The following CACNA1G variants were observed in gnomAD, a reference collection of about 807,000 sequenced individuals.
The protein encoded by CACNA1G is calcium voltage-gated channel subunit alpha1 G, also known as voltage-dependent T-type calcium channel subunit alpha-1G.
CACNA1G carries 67 observed loss-of-function variants against 219.4 expected under a neutral mutation model. The ratio of observed to expected loss-of-function variants is 0.31; its 90% CI spans 0.25 to 0.37. The LOEUF is 0.37. Among genes scored for constraint, CACNA1G ranks in the 10% least tolerant of loss-of-function variants. The pLI is 1.00. For synonymous variants in CACNA1G, 1,296 were observed against 1,345.3 expected, an observed-to-expected ratio of 0.96 and a Z score of 0.80; for missense variants, 2,380 against 3,231.4, an observed-to-expected ratio of 0.74 and a Z score of 6.39.
At position 50,596,516 on chromosome 17, in the gene CACNA1G, C is replaced by A. The variant is rs1197295833; in HGVS notation, c.2980-46C>A. 8.4e-6 allele frequency: 13 copies of A among 1,551,202 alleles called. No individual in the cohort carries two copies. Among genetic ancestry groups the A allele is most frequent in the Non-Finnish European group, 1.1e-5 (12 of 1,123,646 alleles). On this transcript the variant is annotated intron_variant, in intron 14 of 37. Transcript: ENST00000359106. The surrounding 1 kb of genome is among the most constrained non-coding windows in gnomAD (Gnocchi z 4.8). ...GGGAGGCCCGGTCCATCCCAACCAC[C>A]CAAGCCTGGCCGGATCCCTAATGGT... is the stretch of plus-strand genomic sequence containing the variant.
chr17:50,618,454 C>T lies in CACNA1G; in HGVS notation c.5427+111C>T. The T allele has an allele frequency of 7.0e-7, 1 of 1,434,636 alleles. No homozygotes were observed. The highest frequency in any genetic ancestry group is 9.6e-7 in the Non-Finnish European group (1 of 1,038,050). The allele number at this position is 1,434,636 out of a possible 1,614,324, so 88.9% of individuals were successfully genotyped here. On this transcript the variant is annotated intron_variant, in intron 32 of 37. Transcript: ENST00000359106. This position sits in a 1 kb window ranked among gnomAD's most constrained non-coding sequence, Gnocchi z 5.3. ...ATAAAAGCATGTGACCTTCTCTCCCCCGTGCTAGAACACTCTGGAACTCCC... is the reference window on the plus strand; with the variant it reads ...ATAAAAGCATGTGACCTTCTCTCCCTCGTGCTAGAACACTCTGGAACTCCC...
At chr17:50,607,165 A>G (rs780006661) in intron 24 of CACNA1G, 176 bp downstream of exon 24, 27 of 680,074 alleles carry the variant, frequency 4.0e-5, no homozygotes, top group Non-Finnish European at 7.0e-5. Flanking sequence ...TTATTGGTCT[A>G]CAACATGTTT....
Position 50,627,315 on chromosome 17 carries a change from T to G in CACNA1G, c.*564T>G, listed in dbSNP as rs1321267770. The G allele has an allele frequency of 4.7e-6, 2 of 425,100 alleles. No individual in the cohort carries two copies. The highest frequency in any genetic ancestry group is 4.1e-5 in the African/African-American group (2 of 48,986). The allele number at this position is 425,100 out of a possible 1,614,324, so 26.3% of individuals were successfully genotyped here. On this transcript the variant is annotated 3_prime_UTR_variant, in exon 38 of 38. Transcript: ENST00000359106. ...TTTGGAAACTGTAATGTAACTTATT[T>G]TTTCCTTTAACCTCGTCATCATTTT...
At chr17:50,589,770 A>G (rs1373975498) in intron 9 of CACNA1G, among the ~76,000 whole-genome samples, 2 of 152,118 alleles carry the variant, frequency 1.3e-5, no homozygotes, top group Non-Finnish European at 2.9e-5. Context: ...CTGAGGATTA[A>G]CCCGGGTGTC....
chr17:50,575,122 C>T (rs1203081113), intron 7 of CACNA1G, among the ~76,000 whole-genome samples: 1 of 152,178 alleles, frequency 6.6e-6, no homozygotes, highest in Non-Finnish European at 1.5e-5. Context: ...CCCCATGTCC[C>T]TAATATTGCG....
At position 50,599,444 on chromosome 17, in the gene CACNA1G, C is replaced by G. The variant is rs1026078972; in HGVS notation, c.3275C>G (p.Ser1092Cys). 8 of 1,556,860 alleles carry G rather than the reference C, an allele frequency of 5.1e-6. No homozygotes were observed. The African/African-American group carries it at 6.8e-5, about 13-fold the overall frequency. The change falls in exon 17 of 38, where the codon TCT (serine) becomes TGT (cysteine). Residue 1092 changes from serine (S) to cysteine (C), a missense_variant. Ser to Cys is a moderately radical substitution (Grantham distance 112). Transcript: ENST00000359106. Reference protein sequence around the residue: ...EMKSPPSARSSPHSPWSAASS... With the variant: ...EMKSPPSARSCPHSPWSAASS... The stretch of plus-strand genomic sequence containing the variant: ...CACCCACAGCCCAGCGCCCGCAGCT[C>G]TCCGCACAGCCCCTGGAGCGCTGCA...
chr17:50,570,129 G>C (rs527668824), intron 4 of CACNA1G, among the ~76,000 whole-genome samples: 139 of 152,270 alleles, frequency 9.1e-4, no homozygotes, highest in Non-Finnish European at 1.7e-3. Context: ...GACAGGCAAG[G>C]AGTGGACGCA....
At chr17:50,607,757 C>A in intron 24 of CACNA1G, 70 bp from the exon 25 acceptor site, 1 of 1,373,102 alleles carries the variant, frequency 7.3e-7, no homozygotes, top group Non-Finnish European at 1.0e-6. Flanking sequence ...GGAACCCAGG[C>A]TGTGGGCAGC....
Position 50,626,280 on chromosome 17 carries a change from G to A in CACNA1G, c.6663G>A (p.Leu2221=). The change falls in exon 38 of 38, where the codon CTG becomes CTA. Residue 2221 remains leucine (L), a synonymous_variant. Transcript: ENST00000359106. This position sits in a 1 kb window ranked among gnomAD's most constrained non-coding sequence, Gnocchi z 4.3. The part of the protein sequence containing the change: ...TRSSLELDTE[L]SWISGDLLPP... ...GCAGCTTAGAGTTGGACACGGAGCT[G>A]AGCTGGATTTCAGGAGACCTCCTGC... is the stretch of plus-strand genomic sequence containing the variant. 6.2e-7 allele frequency: 1 copy of A among 1,613,618 alleles called. No individual in the cohort carries two copies. Among genetic ancestry groups the A allele is most frequent in the Non-Finnish European group, 8.5e-7 (1 of 1,179,864 alleles).
intron 3 of CACNA1G, 73 bp downstream of exon 3, chr17:50,569,371 T>C: frequency 1.3e-6 from 2 of 1,511,472 alleles, no homozygotes; most frequent in Non-Finnish European, 9.1e-7. Flanking sequence ...GTTCTGGGCC[T>C]GTGACCTCTC....
Position 50,623,795 on chromosome 17 carries a change from G to A in CACNA1G, c.6061-112G>A, listed in dbSNP as rs149277952. On this transcript the variant is annotated intron_variant, in intron 35 of 37. Coordinates refer to ENST00000359106, the MANE Select transcript of CACNA1G (RefSeq NM_018896.5). ...TCTCTACCTTGTCCTGGGAGGGCAC[G>A]GGGGTGAGGGCTGGGCGGGGGGCGC... The A allele has an allele frequency of 5.4e-3, 6,166 of 1,137,620 alleles. 92 individuals carry two copies. Among genetic ancestry groups the A allele is most frequent in the African/African-American group, 0.033 (2,161 of 65,048 alleles). The allele number at this position is 1,137,620 out of a possible 1,614,324, so 70.5% of individuals were successfully genotyped here.
At chr17:50,576,462 C>A in intron 8 of CACNA1G, 136 bp downstream of exon 8, 1 of 807,346 alleles carries the variant, frequency 1.2e-6, no homozygotes, top group Non-Finnish European at 2.0e-6. Flanking sequence ...TAGGCACCTT[C>A]AACCAGTCAC....
At position 50,616,425 on chromosome 17, in the gene CACNA1G, T is replaced by C. The variant is rs755947438; in HGVS notation, c.5021+41T>C. The C allele has an allele frequency of 6.0e-6, 7 of 1,169,370 alleles. No homozygotes were observed. In the Admixed American group the frequency reaches 1.1e-4, roughly 18 times the overall value. The allele number at this position is 1,169,370 out of a possible 1,614,324, so 72.4% of individuals were successfully genotyped here. A position where few individuals can be genotyped will look rare whatever the true frequency, so the allele number is the denominator to read the frequency against. ...GGGGTCTTGGGGACTTGCGTAGAGA[T>C]AGAAAGGAATGAGTCTCTTGGGGAA... On this transcript the variant is annotated intron_variant, in intron 28 of 37. Coordinates refer to ENST00000359106, the MANE Select transcript of CACNA1G (RefSeq NM_018896.5).
At chr17:50,614,478 T>A (rs2049988148) in intron 26 of CACNA1G, among the ~76,000 whole-genome samples, 1 of 152,246 alleles carries the variant, frequency 6.6e-6, no homozygotes, top group South Asian at 2.1e-4. Context: ...CCTCAGCACC[T>A]GGAAGAGGGC....
rs57225302 is a variant in CACNA1G at position 50,599,434 on chromosome 17, G to A, written c.3265G>A (p.Ala1089Thr). Residue 1089 changes from alanine to threonine, a missense_variant, in exon 17 of 38, where the codon GCC (alanine) becomes ACC (threonine). Ala to Thr is a moderately conservative substitution (Grantham distance 58, BLOSUM62 0). This residue lies in a region of CACNA1G where 418 missense variants were observed against 434.3 expected (regional missense o/e 0.96). Coordinates refer to ENST00000359106, the MANE Select transcript of CACNA1G (RefSeq NM_018896.5). ...CTCCCCTGCTCACCCACAGCCCAGCGCCCGCAGCTCTCCGCACAGCCCCTG... is the reference window on the plus strand; with the variant it reads ...CTCCCCTGCTCACCCACAGCCCAGCACCCGCAGCTCTCCGCACAGCCCCTG... The part of the protein sequence containing the change: ...AAHEMKSPPS[A>T]RSSPHSPWSA... 1,047 of 1,545,924 alleles carry A rather than the reference G, an allele frequency of 6.8e-4. 1 individual carries two copies. The highest frequency in any genetic ancestry group is 8.4e-4 in the Non-Finnish European group (968 of 1,145,710).
chr17:50,563,826 T>A (rs2036799349), intron 1 of CACNA1G: 1 of 152,194 alleles, frequency 6.6e-6, no homozygotes, highest in Non-Finnish European at 1.5e-5. Context: ...GGGGACTGCC[T>A]AAGCTGTGCC....
At chr17:50,601,780 C>A (rs923379300) in intron 19 of CACNA1G, among the ~76,000 whole-genome samples, 1 of 152,182 alleles carries the variant, frequency 6.6e-6, no homozygotes, top group African/African-American at 2.4e-5. Context: ...TAGCCCTTCG[C>A]TGTCGGCAGC....
intron 9 of CACNA1G, among the ~76,000 whole-genome samples, chr17:50,583,635 T>G: frequency 1.7e-5 from 2 of 117,276 alleles, no homozygotes; most frequent in East Asian, 5.3e-4. Context: ...GAAAGATGAA[T>G]GGAATTGACA....
At position 50,626,589 on chromosome 17, in the gene CACNA1G, G is replaced by T. The variant is rs370669779; in HGVS notation, c.6972G>T (p.Pro2324=). The change falls in exon 38 of 38, where the codon CCG becomes CCT. Residue 2324 remains proline (P), a synonymous_variant. Transcript: ENST00000359106. The surrounding 1 kb of genome is among the most constrained non-coding windows in gnomAD (Gnocchi z 4.3). The part of the protein sequence containing the change: ...DPPESQGPRT[P]PSPGICLRRR... The stretch of plus-strand genomic sequence containing the variant: ...CCGAGAGCCAAGGTCCTCGGACCCC[G>T]CCCAGCCCTGGTATCTGCCTCCGGA... 22 of 1,609,462 alleles carry T rather than the reference G, an allele frequency of 1.4e-5. No homozygotes were observed. The African/African-American group carries it at 2.2e-4, about 16-fold the overall frequency.
Sources: gnomAD v4.1 joint callset for allele counts (sites outside exome capture counted in the v4.1 genomes callset) on GRCh38, gnomAD v4.1.1 for gene constraint, gnomAD v4.1.1 regional missense constraint, Gnocchi (gnomAD v3.1) non-coding constraint, MANE v1.5 for transcripts, NCBI Gene and HGNC (gene_info 2026-07-23, HGNC 2026-07-21) for gene names.